Variants in PPFIA3 observed in about 807,000 individuals in gnomAD.
PPFIA3 encodes the protein liprin-alpha-3.
PPFIA3 carries 26 observed loss-of-function variants against 145.8 expected under a neutral mutation model. The observed-to-expected ratio is 0.18, with a 90% CI of 0.13 to 0.25. The LOEUF (loss-of-function observed/expected upper bound fraction) is 0.25, where lower values mean the gene tolerates loss of function less well. Among genes scored for constraint, PPFIA3 ranks in the 10% least tolerant of loss-of-function variants. PPFIA3 has a pLI of 1.00. For synonymous variants in PPFIA3, 645 were observed against 661.4 expected, an observed-to-expected ratio of 0.98 and a Z score of 0.38; for missense variants, 1,008 against 1,587.8, an observed-to-expected ratio of 0.63 and a Z score of 6.21.
At chr19:49,131,216 T>C (rs372343255) in intron 7 of PPFIA3, among the ~76,000 whole-genome samples, 63 of 141,656 alleles carry the variant, frequency 4.4e-4, no homozygotes, top group African/African-American at 1.5e-3. Flanking sequence ...TCGCCCAGGC[T>C]GGAGTGCAGT....
Position 49,138,396 on chromosome 19 carries a change from C to G in PPFIA3, c.2045C>G (p.Pro682Arg). Residue 682 changes from proline to arginine, a missense_variant, in exon 16 of 30, where the codon CCT (proline) becomes CGT (arginine). Around this residue, in one of 11 missense-constraint regions of PPFIA3, gnomAD observed 202 missense variants for 241.8 expected, o/e 0.84. Coordinates refer to ENST00000334186, the MANE Select transcript of PPFIA3 (RefSeq NM_003660.4). Reference protein sequence around the residue: ...SGHSTPRLAPPSPAREGTDKA... With the variant: ...SGHSTPRLAPRSPAREGTDKA... ...CACTCAACACCCCGCCTGGCACCCC[C>G]TAGCCCTGCCCGTGAGGGCACCGAC... 6.4e-7 allele frequency: 1 copy of G among 1,574,174 alleles called. No homozygotes were observed. The highest frequency in any genetic ancestry group is 2.3e-5 in the East Asian group (1 of 44,064).
At position 49,134,081 on chromosome 19, in the gene PPFIA3, C is replaced by T. The variant is rs755095884; in HGVS notation, c.1293C>T (p.Ser431=). 4.2e-5 allele frequency: 68 copies of T among 1,613,822 alleles called. No individual in the cohort carries two copies. The highest frequency in any genetic ancestry group is 6.7e-5 in the African/African-American group (5 of 74,920). Residue 431 remains serine, a synonymous_variant, in exon 11 of 30, where the codon TCC becomes TCT. Coordinates refer to ENST00000334186, the MANE Select transcript of PPFIA3 (RefSeq NM_003660.4). ...KMNDDHNKRL[S]ETVDKLLSES... The stretch of plus-strand genomic sequence containing the variant: ...ACGATGACCACAATAAGCGGCTGTC[C>T]GAGACGGTGGACAAGCTGCTGAGCG...
In PPFIA3 at chr19:49,128,886, C is replaced by G; in HGVS notation, c.381C>G (p.His127Gln). 6.2e-7 allele frequency: 1 copy of G among 1,612,894 alleles called. No homozygotes were observed. Among genetic ancestry groups the G allele is most frequent in the Non-Finnish European group, 8.5e-7 (1 of 1,179,370 alleles). ...ACCTGGAGTGCCTGGTGTCCAGGCACGAGAGGTCACTGCGCATGACCGTGG... is the reference window on the plus strand; with the variant it reads ...ACCTGGAGTGCCTGGTGTCCAGGCAGGAGAGGTCACTGCGCATGACCGTGG... ...LEHLECLVSR[H>Q]ERSLRMTVVK... Residue 127 changes from histidine to glutamine, a missense_variant, in exon 4 of 30, where the codon CAC becomes CAG. By Grantham distance (24) the His-to-Gln change is conservative. This residue lies in a region of PPFIA3 where 25 missense variants were observed against 85.2 expected (regional missense o/e 0.29). Coordinates refer to ENST00000334186, the MANE Select transcript of PPFIA3 (RefSeq NM_003660.4). This position sits in a 1 kb window ranked among gnomAD's most constrained non-coding sequence, Gnocchi z 4.1.
rs777097757 is a variant in PPFIA3 at position 49,136,937 on chromosome 19, G to T, written c.1853+26G>T. On this transcript the variant is annotated intron_variant, in intron 15 of 29. Transcript: ENST00000334186. ...GTGAGCCCTGGCCCCGCCCCGGCCT[G>T]CCCTGCCCTGCCGGAGCTGACTCCA... is the stretch of plus-strand genomic sequence containing the variant. 4.8e-6 allele frequency: 7 copies of T among 1,469,326 alleles called. No homozygotes were observed. The South Asian group carries it at 8.2e-5, about 17-fold the overall frequency. The allele number at this position is 1,469,326 out of a possible 1,614,324, so 91.0% of individuals were successfully genotyped here.
intron 21 of PPFIA3, among the ~76,000 whole-genome samples, chr19:49,143,770 G>GC (rs1169162125): frequency 2.6e-5 from 4 of 152,188 alleles, no homozygotes; most frequent in Non-Finnish European, 5.9e-5. Flanking sequence ...TTGCTCTGTT[G>GC]TGTGTGTGGG....
Position 49,148,085 on chromosome 19 carries a change from C to A in PPFIA3, c.2838C>A (p.Ile946=). ...CCCTCACCTGCCCATGGCCCCAGATCCTGGCATATGGCGACATGAACCACG... is the reference window on the plus strand; with the variant it reads ...CCCTCACCTGCCCATGGCCCCAGATACTGGCATATGGCGACATGAACCACG... ...PETKEISWEQ[I]LAYGDMNHEW... The change falls in exon 24 of 30, where the codon ATC becomes ATA. Residue 946 remains isoleucine, a splice_region_variant and synonymous_variant. Coordinates refer to ENST00000334186, the MANE Select transcript of PPFIA3 (RefSeq NM_003660.4). 2 of 1,611,102 alleles carry A rather than the reference C, an allele frequency of 1.2e-6. No homozygotes were observed. The highest frequency in any genetic ancestry group is 1.7e-6 in the Non-Finnish European group (2 of 1,178,344).
chr19:49,147,686 AAGAGAGAGAGAG>A (rs143496485), intron 23 of PPFIA3, among the ~76,000 whole-genome samples: 2 of 145,710 alleles, frequency 1.4e-5, no homozygotes, highest in African/African-American at 2.6e-5. Context: ...CTCTTTCAGA[AAGAGAGAGAGAG>A]AGAGAGAGAG....
rs1179217390 is a variant in PPFIA3 at position 49,135,797 on chromosome 19, C to T, written c.1539C>T (p.Ala513=). 1 of 1,612,386 alleles carries T rather than the reference C, an allele frequency of 6.2e-7. No individual in the cohort carries two copies. Among genetic ancestry groups the T allele is most frequent in the Admixed American group, 1.7e-5 (1 of 59,864 alleles). The change falls in exon 14 of 30, where the codon GCC becomes GCT. Residue 513 remains alanine, a synonymous_variant. Coordinates refer to ENST00000334186, the MANE Select transcript of PPFIA3 (RefSeq NM_003660.4). ...CCCACAGGTCTCTCCCTGGCAGTGC[C>T]CTGGAGCTCCGTTACTCTCAGGCAC... ...SSYSRSLPGS[A]LELRYSQAPT...
intron 21 of PPFIA3, 38 bp from the exon 22 acceptor site, chr19:49,145,905 C>G: frequency 6.3e-7 from 1 of 1,591,784 alleles, no homozygotes; most frequent in Non-Finnish European, 8.6e-7. Flanking sequence ...CCACGCGAAG[C>G]CCTCTCCCAC....
At chr19:49,142,584 C>T (rs112656974) in intron 20 of PPFIA3, among the ~76,000 whole-genome samples, 1 of 125,282 alleles carries the variant, frequency 8.0e-6, no homozygotes, top group East Asian at 2.9e-4. Context: ...CCCACCCGCC[C>T]CCCGCCCCCC....
chr19:49,126,551 C>T (rs1050091900), intron 1 of PPFIA3, among the ~76,000 whole-genome samples: 8 of 148,620 alleles, frequency 5.4e-5, no homozygotes, highest in Middle Eastern at 7.0e-3. Flanking sequence ...GCGCCCAGTC[C>T]TGGCCTTGCT....
rs997090246 is a variant in PPFIA3 at position 49,136,536 on chromosome 19, G to A, written c.1666-188G>A. On this transcript the variant is annotated intron_variant, in intron 14 of 29. Transcript: ENST00000334186. ...CCTGGGAGGCGTAACCCGAGATTGC[G>A]CCACTGCACTCCAGCCTGGGCGACA... is the stretch of plus-strand genomic sequence containing the variant. Among the ~76,000 whole-genome samples, 4 of 152,114 alleles carry A rather than the reference G, an allele frequency of 2.6e-5. 1 individual carries two copies. The highest frequency in any genetic ancestry group is 3.9e-4 in the East Asian group (2 of 5,190).
chr19:49,139,564 A>T, intron 16 of PPFIA3, 104 bp from the exon 17 acceptor site: 1 of 1,285,890 alleles, frequency 7.8e-7, no homozygotes, highest in Non-Finnish European at 1.0e-6. Flanking sequence ...CTGTGTTCTA[A>T]ACCAGGGTCA....
intron 20 of PPFIA3, 104 bp from the exon 21 acceptor site, chr19:49,142,700 C>T (rs2041238367): frequency 9.8e-7 from 1 of 1,016,820 alleles, no homozygotes; most frequent in Non-Finnish European, 1.5e-6. Context: ...CTCTGTTTCG[C>T]TCCCCACCCC....
At position 49,129,425 on chromosome 19, in the gene PPFIA3, G is replaced by T; in HGVS notation, c.553G>T (p.Glu185Ter). ...GGCGCTGGAGCGCGTGGCAGTGCTC[G>T]AGGAGGAGCTGGAACTGAGCAATCA... ...RMALERVAVLEEELELSNQET... is the reference protein window; with the variant it reads ...RMALERVAVL Residue 185 changes from glutamate to a stop codon, truncating the protein, a stop_gained, in exon 5 of 30, where the codon GAG becomes TAG. Coordinates refer to ENST00000334186, the MANE Select transcript of PPFIA3 (RefSeq NM_003660.4). LOFTEE classifies it high-confidence loss of function. 6.4e-7 allele frequency: 1 copy of T among 1,553,002 alleles called. No homozygotes were observed.
Position 49,133,481 on chromosome 19 carries a change from G to T in PPFIA3, c.1161+110G>T, listed in dbSNP as rs1488850172. 1 of 1,320,982 alleles carries T rather than the reference G, an allele frequency of 7.6e-7. No homozygotes were observed. Among genetic ancestry groups the T allele is most frequent in the African/African-American group, 1.5e-5 (1 of 67,228 alleles). 81.8% of individuals were successfully genotyped at this position (1,320,982 alleles called of 1,614,324 possible). On this transcript the variant is annotated intron_variant, in intron 9 of 29. Coordinates refer to ENST00000334186, the MANE Select transcript of PPFIA3 (RefSeq NM_003660.4). The surrounding 1 kb of genome is among the most constrained non-coding windows in gnomAD (Gnocchi z 7.2). ...AGCGAGGTCAGAACCCCGGATTTGG[G>T]GGAAAGGGTGGGGCCTAGGGGCTGG...
chr19:49,134,230 G>A (rs2041110334), intron 11 of PPFIA3, 65 bp downstream of exon 11: 1 of 1,537,118 alleles, frequency 6.5e-7, no homozygotes. Flanking sequence ...GGAATCCTGG[G>A]GCCCCAGGCC....
chr19:49,123,650 T>C lies in PPFIA3; in HGVS notation c.-16+3928T>C, dbSNP rs555150034. 1.5e-3 allele frequency among the ~76,000 whole-genome samples: 220 copies of C among 151,482 alleles called. 1 individual carries two copies. Among genetic ancestry groups the C allele is most frequent in the Non-Finnish European group, 2.6e-3 (174 of 67,818 alleles). Reference sequence around the variant, plus strand: ...AGAGATGGGGTTTCACCATGTTGGCTAGGCTGGTCTCGAAATCCTGACCTC... The same window carrying C: ...AGAGATGGGGTTTCACCATGTTGGCCAGGCTGGTCTCGAAATCCTGACCTC... On this transcript the variant is annotated intron_variant, in intron 1 of 29. Transcript: ENST00000334186.
Position 49,129,371 on chromosome 19 carries a change from G to T in PPFIA3, c.508-9G>T. 6.5e-7 allele frequency: 1 copy of T among 1,546,302 alleles called. No homozygotes were observed. The highest frequency in any genetic ancestry group is 8.7e-7 in the Non-Finnish European group (1 of 1,146,602). On this transcript the variant is annotated splice_polypyrimidine_tract_variant and intron_variant, in intron 4 of 29. Coordinates refer to ENST00000334186, the MANE Select transcript of PPFIA3 (RefSeq NM_003660.4). Reference sequence around the variant, plus strand: ...CTCCAGCTGACTGTTGCCCTGCCCCGATCCCCAGGTCCGGGAGCGGCTGCG... The same window carrying T: ...CTCCAGCTGACTGTTGCCCTGCCCCTATCCCCAGGTCCGGGAGCGGCTGCG...
Sources: allele counts gnomAD v4.1 joint callset (sites outside exome capture counted in the v4.1 genomes callset), GRCh38; gene constraint gnomAD v4.1.1; regional missense constraint gnomAD v4.1.1; non-coding constraint Gnocchi (gnomAD v3.1); transcripts MANE v1.5; gene names NCBI Gene and HGNC (gene_info 2026-07-23, HGNC 2026-07-21).